PRKN: variants seen among roughly 807,000 people sequenced by gnomAD.
PRKN encodes the protein parkin RBR E3 ubiquitin protein ligase.
Under a neutral mutation model 59.5 loss-of-function variants are expected in PRKN, and 56 were observed. The ratio of observed to expected loss-of-function variants is 0.94; its 90% CI spans 0.76 to 1.18. The LOEUF (loss-of-function observed/expected upper bound fraction) is 1.18. Among genes scored for constraint, PRKN ranks in the 50% most tolerant of loss-of-function variants. The probability of loss-of-function intolerance (pLI) is 0.00; values close to 1 mark genes in which losing one functional copy is unlikely to be tolerated. For synonymous variants in PRKN, 250 were observed against 222.1 expected (o/e 1.13, Z -1.12); for missense variants, 657 against 596.4 (o/e 1.10, Z -1.06).
At chr6:162,152,938 CA>C in intron 4 of PRKN, among the ~76,000 whole-genome samples, 1 of 152,228 alleles carries the variant, frequency 6.6e-6, no homozygotes, top group Non-Finnish European at 1.5e-5. Context: ...ATGTGTTCCA[CA>C]AAAAAGCAGT....
At chr6:162,293,866 G>C (rs1473562282) in intron 2 of PRKN, among the ~76,000 whole-genome samples, 1 of 152,154 alleles carries the variant, frequency 6.6e-6, no homozygotes, top group Admixed American at 6.5e-5. Context: ...TTTTAGTAGA[G>C]ATGGGGTTTC....
At chr6:162,319,595 T>G (rs1471543060) in intron 2 of PRKN, among the ~76,000 whole-genome samples, 3 of 152,028 alleles carry the variant, frequency 2.0e-5, no homozygotes, top group Non-Finnish European at 4.4e-5. Context: ...GTGCGTAACA[T>G]TCATTATCTC....
At chr6:161,881,442 G>A (rs1794931692) in intron 6 of PRKN, among the ~76,000 whole-genome samples, 1 of 152,130 alleles carries the variant, frequency 6.6e-6, no homozygotes, top group Non-Finnish European at 1.5e-5. Context: ...TTCCTGAGTG[G>A]GGCTGAGTGG....
In PRKN at chr6:161,560,002, C is replaced by T. The variant is rs1029376624; in HGVS notation, c.933+9353G>A. 2.7e-5 allele frequency among the ~76,000 whole-genome samples: 4 copies of T among 148,694 alleles called. No homozygotes were observed. Among genetic ancestry groups the T allele is most frequent in the African/African-American group, 7.3e-5 (3 of 41,172 alleles). On this transcript the variant is annotated intron_variant, in intron 8 of 11. Coordinates refer to ENST00000366898, the MANE Select transcript of PRKN (RefSeq NM_004562.3). The surrounding 1 kb of genome is among the most constrained non-coding windows in gnomAD (Gnocchi z 4.9). ...GCCAGGTGCTCTGGATGTCCACCTA[C>T]GTCCCTCCAAAGATCATCACAATGC...
At chr6:161,985,024 T>C (rs1407412999) in intron 5 of PRKN, among the ~76,000 whole-genome samples, 3 of 152,208 alleles carry the variant, frequency 2.0e-5, no homozygotes, top group Admixed American at 2.0e-4. Context: ...TTTGGACTAG[T>C]GGCTCTGGTG....
At chr6:162,238,224 A>G (rs1158913885) in intron 3 of PRKN, among the ~76,000 whole-genome samples, 1 of 152,154 alleles carries the variant, frequency 6.6e-6, no homozygotes, top group Admixed American at 6.5e-5. Flanking sequence ...GTTTAGATAC[A>G]AAAATACTCT....
At chr6:162,481,910 C>G (rs13197661) in intron 1 of PRKN, among the ~76,000 whole-genome samples, 2 of 151,942 alleles carry the variant, frequency 1.3e-5, no homozygotes, top group Non-Finnish European at 2.9e-5. Context: ...ACATAAAATC[C>G]TCAGACTGAA....
chr6:162,357,968 G>A (rs956307164), intron 2 of PRKN, among the ~76,000 whole-genome samples: 1 of 152,146 alleles, frequency 6.6e-6, no homozygotes, highest in African/African-American at 2.4e-5. Context: ...GTGCTCTTCT[G>A]CATGACGTTA....
chr6:162,415,697 G>A (rs1226397081), intron 2 of PRKN, among the ~76,000 whole-genome samples: 2 of 152,026 alleles, frequency 1.3e-5, no homozygotes, highest in Admixed American at 6.6e-5. Flanking sequence ...CCCATCTGTA[G>A]TCCCAGCTAC....
At chr6:161,955,510 A>AG (rs1263129752) in intron 6 of PRKN, among the ~76,000 whole-genome samples, 4 of 152,240 alleles carry the variant, frequency 2.6e-5, no homozygotes, top group Admixed American at 2.0e-4. Flanking sequence ...TTGTTTTCAT[A>AG]GGAAAAAAAA....
intron 2 of PRKN, among the ~76,000 whole-genome samples, chr6:162,301,778 C>CGGTGG (rs1781963064): frequency 1.6e-5 from 1 of 62,918 alleles, no homozygotes. Context: ...ATAAATTGGC[C>CGGTGG]GGGGCGGGGG....
intron 4 of PRKN, among the ~76,000 whole-genome samples, chr6:162,121,197 C>T (rs899512392): frequency 2.6e-4 from 40 of 152,178 alleles, no homozygotes; most frequent in African/African-American, 9.4e-4. Flanking sequence ...TTACCTCAAA[C>T]TAACTATACT....
intron 3 of PRKN, among the ~76,000 whole-genome samples, chr6:162,241,109 A>T (rs898603336): frequency 6.6e-6 from 1 of 152,308 alleles, no homozygotes; most frequent in Non-Finnish European, 1.5e-5. Context: ...AGTTATTCTG[A>T]CCCATTTTCC....
At chr6:162,244,681 C>T (rs1189184714) in intron 3 of PRKN, among the ~76,000 whole-genome samples, 1 of 151,930 alleles carries the variant, frequency 6.6e-6, no homozygotes, top group Non-Finnish European at 1.5e-5. Context: ...TTTGGAAGAG[C>T]TTGGGGTGAA....
At chr6:161,918,728 A>G (rs544162907) in intron 6 of PRKN, among the ~76,000 whole-genome samples, 1 of 152,302 alleles carries the variant, frequency 6.6e-6, no homozygotes, top group African/African-American at 2.4e-5. Context: ...CATGACTAAC[A>G]CAATGCCATG....
rs1330531717 is a variant in PRKN at position 161,461,044 on chromosome 6, A to C, written c.1084-74167T>G. On this transcript the variant is annotated intron_variant, in intron 9 of 11. Coordinates refer to ENST00000366898, the MANE Select transcript of PRKN (RefSeq NM_004562.3). The surrounding 1 kb of genome is among the most constrained non-coding windows in gnomAD (Gnocchi z 5.1). Reference sequence around the variant, plus strand: ...AGTACTGGGACTACAGGTGTGAGCCACCATGCCCGGTCCAAGAGTCATCTT... The same window carrying C: ...AGTACTGGGACTACAGGTGTGAGCCCCCATGCCCGGTCCAAGAGTCATCTT... Among the ~76,000 whole-genome samples the C allele has an allele frequency of 6.6e-6, 1 of 152,016 alleles. No individual in the cohort carries two copies. Among genetic ancestry groups the C allele is most frequent in the African/African-American group, 2.4e-5 (1 of 41,384 alleles).
chr6:161,691,297 A>C (rs540531438), intron 7 of PRKN, among the ~76,000 whole-genome samples: 2 of 152,170 alleles, frequency 1.3e-5, no homozygotes, highest in Non-Finnish European at 2.9e-5. Flanking sequence ...CTTGGGTCTA[A>C]TCTTTTCTTC....
intron 1 of PRKN, among the ~76,000 whole-genome samples, chr6:162,697,176 G>A (rs563383555): frequency 1.2e-4 from 18 of 152,164 alleles, no homozygotes; most frequent in African/African-American, 4.3e-4. Context: ...AAAGTTGGAT[G>A]ACTGGTATAA....
chr6:161,948,316 A>G (rs1779858112), intron 6 of PRKN, among the ~76,000 whole-genome samples: 1 of 152,144 alleles, frequency 6.6e-6, no homozygotes, highest in Non-Finnish European at 1.5e-5. Flanking sequence ...AGCCCTCACC[A>G]ACTATTTTAG....
Sources: allele counts gnomAD v4.1 joint callset (sites outside exome capture counted in the v4.1 genomes callset), GRCh38; gene constraint gnomAD v4.1.1; non-coding constraint Gnocchi (gnomAD v3.1); transcripts MANE v1.5; gene names NCBI Gene and HGNC (gene_info 2026-07-23, HGNC 2026-07-21).